SPECC1L: variants seen among roughly 807,000 people sequenced by gnomAD.
SPECC1L encodes cytospin-A.
A neutral mutation model predicts 116.8 loss-of-function variants in SPECC1L; 40 were observed. The observed-to-expected ratio is 0.34, with a 90% CI of 0.27 to 0.45. The LOEUF (loss-of-function observed/expected upper bound fraction) is 0.45, where lower values mean the gene tolerates loss of function less well. Ranked by LOEUF, SPECC1L falls within the 20% of genes least tolerant of loss-of-function variation. The pLI, the probability that SPECC1L is intolerant of heterozygous loss-of-function variation, is 1.00. For missense variants in SPECC1L, 1,110 were observed against 1,373.6 expected (o/e 0.81, Z 3.03); for synonymous variants, 504 against 500.6 (o/e 1.01, Z -0.09).
At chr22:24,410,973 G>A (rs1313257323) in intron 14 of SPECC1L, among the ~76,000 whole-genome samples, 4 of 152,130 alleles carry the variant, frequency 2.6e-5, no homozygotes, top group Admixed American at 6.6e-5. Flanking sequence ...TGGATCACAA[G>A]GTCAAGAGAT....
intron 10 of SPECC1L, among the ~76,000 whole-genome samples, chr22:24,345,872 A>C (rs1315926615): frequency 6.6e-6 from 1 of 152,182 alleles, no homozygotes; most frequent in Non-Finnish European, 1.5e-5. Context: ...GTGGGAGTGA[A>C]GCACAAGAAA....
rs77943168 is a variant in SPECC1L, at chr22:24,282,767, T to C, written c.-38+5964T>C. ...TTAGTTTACAATGTGGTGAGTTACA[T>C]TGAGTTTTGAATTTTTTTTTTTTTT... is the stretch of plus-strand genomic sequence containing the variant. On this transcript the variant is annotated intron_variant, in intron 2 of 16. Transcript: ENST00000314328. Among the ~76,000 whole-genome samples, 1,110 of 151,192 alleles carry C rather than the reference T, an allele frequency of 7.3e-3. 6 individuals are homozygous for C. Among genetic ancestry groups the C allele is most frequent in the South Asian group, 0.012 (59 of 4,784 alleles).
chr22:24,341,746 C>T (rs1197575482), intron 10 of SPECC1L, among the ~76,000 whole-genome samples: 1 of 152,196 alleles, frequency 6.6e-6, no homozygotes, highest in Non-Finnish European at 1.5e-5. Context: ...CTGCTAAAAT[C>T]GTTACAAAAA....
In SPECC1L at chr22:24,321,677, G is replaced by T. The variant is rs2040726394; in HGVS notation, c.697G>T (p.Ala233Ser). ...AAAATCTGAGAAGGAAACTATTATG[G>T]CTCACCAGCCGACTGATGTGGAGTC... is the stretch of plus-strand genomic sequence containing the variant. Reference protein sequence around the residue: ...DEKSEKETIMAHQPTDVESTL... With the variant: ...DEKSEKETIMSHQPTDVESTL... Residue 233 changes from alanine to serine, a missense_variant, in exon 5 of 17, where the codon GCT (alanine) becomes TCT (serine). Transcript: ENST00000314328. 2 of 1,614,104 alleles carry T rather than the reference G, an allele frequency of 1.2e-6. No individual in the cohort carries two copies. The highest frequency in any genetic ancestry group is 8.5e-7 in the Non-Finnish European group (1 of 1,180,046).
chr22:24,276,525 C>A (rs963323598), intron 1 of SPECC1L, among the ~76,000 whole-genome samples, 175 bp from the exon 2 acceptor site: 2 of 152,194 alleles, frequency 1.3e-5, no homozygotes, highest in African/African-American at 4.8e-5. Context: ...GCCAGCTTTT[C>A]AGGAGGCTGA....
intron 10 of SPECC1L, among the ~76,000 whole-genome samples, chr22:24,345,153 A>T (rs988964343): frequency 2.0e-5 from 3 of 152,212 alleles, no homozygotes; most frequent in Admixed American, 6.5e-5. Flanking sequence ...AGTAGAACAG[A>T]GAGTTCAGAA....
chr22:24,326,133 A>G (rs1037332067), intron 6 of SPECC1L, among the ~76,000 whole-genome samples: 3 of 152,080 alleles, frequency 2.0e-5, no homozygotes, highest in African/African-American at 7.2e-5. Context: ...TTTTATTTTT[A>G]GTAGAGACAG....
In SPECC1L at chr22:24,302,387, A is replaced by G; in HGVS notation, c.153+3A>G. On this transcript the variant is annotated splice_donor_region_variant and intron_variant, in intron 3 of 16. Coordinates refer to ENST00000314328, the MANE Select transcript of SPECC1L (RefSeq NM_015330.6). ...GAACAGCAGCATCATTGTCAAAGGT[A>G]TTCATGTGATGTTTGAATACATGAT... The G allele has an allele frequency of 6.2e-7, 1 of 1,614,090 alleles. No individual in the cohort carries two copies. The highest frequency in any genetic ancestry group is 8.5e-7 in the Non-Finnish European group (1 of 1,180,014).
intron 10 of SPECC1L, among the ~76,000 whole-genome samples, chr22:24,341,286 A>G (rs2041172041): frequency 2.0e-5 from 3 of 152,232 alleles, no homozygotes; most frequent in Admixed American, 2.0e-4. Flanking sequence ...AAACCCCACA[A>G]GGATAATTTT....
At chr22:24,319,830 C>T (rs76742196) in intron 4 of SPECC1L, among the ~76,000 whole-genome samples, 5,134 of 152,320 alleles carry the variant, frequency 0.034, 177 homozygotes, top group African/African-American at 0.082. Flanking sequence ...GCCTGGATCC[C>T]ACCACCTAAT....
chr22:24,400,161 A>G (rs1220182871), intron 14 of SPECC1L, among the ~76,000 whole-genome samples: 1 of 152,226 alleles, frequency 6.6e-6, no homozygotes, highest in Admixed American at 6.5e-5. Context: ...TGCAATGTGT[A>G]TTCATCACCA....
At chr22:24,345,064 A>G (rs865782309) in intron 10 of SPECC1L, among the ~76,000 whole-genome samples, 29 of 152,328 alleles carry the variant, frequency 1.9e-4, no homozygotes, top group African/African-American at 6.7e-4. Context: ...CTGAATATTC[A>G]AAACATTGTT....
rs937796940 is a variant in SPECC1L at position 24,389,340 on chromosome 22, C to T, written c.3087+20020C>T. ...CCATGTTGGCCAGGCTGGTCTCAAA[C>T]TTGACCTCAGGTGATCCACCCACCT... On this transcript the variant is annotated intron_variant, in intron 14 of 16. Transcript: ENST00000314328. 2.6e-5 allele frequency among the ~76,000 whole-genome samples: 4 copies of T among 152,032 alleles called. No individual in the cohort carries two copies. The South Asian group carries it at 8.3e-4, about 32-fold the overall frequency.
At chr22:24,357,028 G>T in intron 11 of SPECC1L, among the ~76,000 whole-genome samples, 1 of 132,660 alleles carries the variant, frequency 7.5e-6, no homozygotes, top group East Asian at 2.1e-4. Flanking sequence ...ACAACTGGGG[G>T]AATGGGGGTG....
rs551676689 is a variant in SPECC1L, at chr22:24,322,111, A to G, written c.1131A>G (p.Ile377Met). 1 of 1,614,126 alleles carries G rather than the reference A, an allele frequency of 6.2e-7. No homozygotes were observed. ...CAGAGTCGGAAGGCATCCCCAGCAT[A>G]GAGCGCTCCCGGAAGGGGAGCAGCG... ...SSSESEGIPS[I>M]ERSRKGSSGN... The change falls in exon 5 of 17, where the codon ATA becomes ATG. Residue 377 changes from isoleucine (I) to methionine (M), a missense_variant. This residue lies in a region of SPECC1L where 437 missense variants were observed against 482.6 expected (regional missense o/e 0.91). Coordinates refer to ENST00000314328, the MANE Select transcript of SPECC1L (RefSeq NM_015330.6).
At chr22:24,413,844 G>A (rs34287787) in intron 16 of SPECC1L, among the ~76,000 whole-genome samples, 5,120 of 152,174 alleles carry the variant, frequency 0.034, 177 homozygotes, top group African/African-American at 0.082. Flanking sequence ...CACACGTCCT[G>A]TGCTCGTCAC....
intron 12 of SPECC1L, among the ~76,000 whole-genome samples, chr22:24,364,319 A>G (rs1266278898): frequency 3.3e-5 from 5 of 152,190 alleles, no homozygotes; most frequent in African/African-American, 1.2e-4. Context: ...ATTTCCCAAC[A>G]GTTGACTTGA....
At chr22:24,284,618 G>GT in intron 2 of SPECC1L, among the ~76,000 whole-genome samples, 1 of 152,104 alleles carries the variant, frequency 6.6e-6, no homozygotes. Context: ...TGTATTTTTA[G>GT]TAGAGACGGG....
At chr22:24,313,824 C>T (rs1470022458) in intron 4 of SPECC1L, among the ~76,000 whole-genome samples, 8 of 150,332 alleles carry the variant, frequency 5.3e-5, no homozygotes, top group South Asian at 2.1e-4. Flanking sequence ...CCACAACCTT[C>T]GCCTCCCAGG....
Sources: gnomAD v4.1 joint callset for allele counts (sites outside exome capture counted in the v4.1 genomes callset) on GRCh38, gnomAD v4.1.1 for gene constraint, gnomAD v4.1.1 regional missense constraint, MANE v1.5 for transcripts, NCBI Gene and HGNC (gene_info 2026-07-23, HGNC 2026-07-21) for gene names.